Variants in NDST4 observed in about 807,000 individuals in gnomAD.
NDST4 encodes the protein N-heparan sulfate sulfotransferase 4.
A neutral mutation model predicts 100.8 loss-of-function variants in NDST4; 63 were observed. The observed-to-expected ratio is 0.62, with a 90% CI of 0.51 to 0.77. The LOEUF is 0.77. Ranked by LOEUF, NDST4 falls within the 30% of genes least tolerant of loss-of-function variation. The probability of loss-of-function intolerance (pLI) is 0.00; values close to 1 mark genes in which losing one functional copy is unlikely to be tolerated. For synonymous variants in NDST4, 377 were observed against 361.8 expected, an observed-to-expected ratio of 1.04 and a Z score of -0.48; for missense variants, 943 against 1,018.4, an observed-to-expected ratio of 0.93 and a Z score of 1.01.
At chr4:115,095,250 A>T (rs1729597255) in intron 1 of NDST4, among the ~76,000 whole-genome samples, 1 of 152,032 alleles carries the variant, frequency 6.6e-6, no homozygotes, top group Non-Finnish European at 1.5e-5. Context: ...TTCCTTATCC[A>T]CCTAGCTAAT....
chr4:114,986,832 A>ATATATATTTTTTT, intron 2 of NDST4, among the ~76,000 whole-genome samples: 16 of 94,654 alleles, frequency 1.7e-4, no homozygotes, highest in East Asian at 1.4e-3. Flanking sequence ...ATATATATAT[A>ATATATATTTTTTT]TTTTAATATA....
chr4:114,863,351 T>A (rs1168538684), intron 7 of NDST4, among the ~76,000 whole-genome samples: 1 of 152,228 alleles, frequency 6.6e-6, no homozygotes, highest in Non-Finnish European at 1.5e-5. Flanking sequence ...AGATTTAGAA[T>A]CCAAATCTGG....
intron 2 of NDST4, among the ~76,000 whole-genome samples, chr4:115,054,332 T>C (rs1728648497): frequency 6.6e-6 from 1 of 152,082 alleles, no homozygotes; most frequent in South Asian, 2.1e-4. Flanking sequence ...AGACAGAAAC[T>C]AGCTGAACTG....
At chr4:114,831,773 A>G (rs1470944747) in intron 12 of NDST4, among the ~76,000 whole-genome samples, 1 of 152,142 alleles carries the variant, frequency 6.6e-6, no homozygotes. Flanking sequence ...TCCTGGTTTC[A>G]TTTATTGCAT....
At chr4:114,844,617 T>C (rs1723504242) in intron 10 of NDST4, among the ~76,000 whole-genome samples, 1 of 152,244 alleles carries the variant, frequency 6.6e-6, no homozygotes, top group African/African-American at 2.4e-5. Flanking sequence ...ACATACTTCC[T>C]CACAGTACAT....
intron 2 of NDST4, among the ~76,000 whole-genome samples, chr4:115,039,627 A>G (rs1728307046): frequency 6.6e-6 from 1 of 152,156 alleles, no homozygotes; most frequent in East Asian, 1.9e-4. Context: ...AAAAATTTGC[A>G]TCGTCTAACA....
At chr4:114,875,415 A>C (rs1245965946) in intron 6 of NDST4, among the ~76,000 whole-genome samples, 1 of 152,186 alleles carries the variant, frequency 6.6e-6, no homozygotes, top group East Asian at 1.9e-4. Context: ...CAATACATAT[A>C]CTCAAAATAT....
intron 6 of NDST4, among the ~76,000 whole-genome samples, chr4:114,881,137 T>C (rs1724358443): frequency 6.6e-6 from 1 of 152,074 alleles, no homozygotes; most frequent in Admixed American, 6.6e-5. Flanking sequence ...GGAGGGATCA[T>C]AGTCAGATAT....
chr4:115,061,866 G>T (rs1016227915), intron 2 of NDST4, among the ~76,000 whole-genome samples: 12 of 151,956 alleles, frequency 7.9e-5, no homozygotes, highest in African/African-American at 2.4e-4. Flanking sequence ...ACACTTAGTT[G>T]AAATTGTAAT....
intron 2 of NDST4, among the ~76,000 whole-genome samples, chr4:114,983,053 T>C (rs578184435): frequency 2.0e-4 from 30 of 152,252 alleles, no homozygotes; most frequent in Non-Finnish European, 4.0e-4. Flanking sequence ...AACCTTCACC[T>C]GGATTTCAGA....
At chr4:114,983,746 G>T (rs1466173100) in intron 2 of NDST4, among the ~76,000 whole-genome samples, 1 of 152,086 alleles carries the variant, frequency 6.6e-6, no homozygotes, top group African/African-American at 2.4e-5. Flanking sequence ...GATTTGGGAG[G>T]GGCCAGGGGC....
At chr4:115,098,580 T>A (rs1423235989) in intron 1 of NDST4, among the ~76,000 whole-genome samples, 1 of 152,180 alleles carries the variant, frequency 6.6e-6, no homozygotes, top group Admixed American at 6.6e-5. Flanking sequence ...AACTTCAAGA[T>A]TCAAGGTTTA....
At chr4:115,067,486 T>G (rs1410467347) in intron 2 of NDST4, among the ~76,000 whole-genome samples, 1 of 152,120 alleles carries the variant, frequency 6.6e-6, no homozygotes, top group Non-Finnish European at 1.5e-5. Flanking sequence ...ATGTCTTATT[T>G]TCTAAAGACA....
intron 2 of NDST4, among the ~76,000 whole-genome samples, chr4:114,983,545 G>A (rs1301601557): frequency 1.3e-5 from 2 of 152,176 alleles, no homozygotes; most frequent in African/African-American, 2.4e-5. Flanking sequence ...TTTACCAAAT[G>A]CCTTTACCTG....
intron 11 of NDST4, among the ~76,000 whole-genome samples, chr4:114,837,916 G>A (rs1723336959): frequency 6.6e-6 from 1 of 151,974 alleles, no homozygotes; most frequent in Non-Finnish European, 1.5e-5. Context: ...GAAAATTTTT[G>A]CAATCCATCT....
At chr4:114,920,515 T>C (rs1725265945) in intron 6 of NDST4, among the ~76,000 whole-genome samples, 1 of 152,240 alleles carries the variant, frequency 6.6e-6, no homozygotes, top group Non-Finnish European at 1.5e-5. Flanking sequence ...CTTTATACTT[T>C]GAATGGCATT....
At chr4:114,898,071 A>G (rs575650996) in intron 6 of NDST4, among the ~76,000 whole-genome samples, 2 of 152,266 alleles carry the variant, frequency 1.3e-5, no homozygotes, top group Admixed American at 1.3e-4. Flanking sequence ...AGTCCAGCTC[A>G]TCAATTATTT....
chr4:114,841,721 T>C (rs890252487), intron 10 of NDST4, among the ~76,000 whole-genome samples: 1 of 152,222 alleles, frequency 6.6e-6, no homozygotes, highest in Non-Finnish European at 1.5e-5. Context: ...AATAAGTTTA[T>C]CTTGCTTTGC....
At chr4:114,981,210 AAAGGATGGAAGGAAGG>A (rs1726762463) in intron 2 of NDST4, among the ~76,000 whole-genome samples, 2 of 137,246 alleles carry the variant, frequency 1.5e-5, no homozygotes, top group African/African-American at 5.7e-5. Context: ...AGAGAAGAAG[AAAGGATGGAAGGAAGG>A]AAGGAAGGAA....
Sources: gnomAD v4.1 joint callset for allele counts (sites outside exome capture counted in the v4.1 genomes callset) on GRCh38, gnomAD v4.1.1 for gene constraint, MANE v1.5 for transcripts, NCBI Gene and HGNC (gene_info 2026-07-23, HGNC 2026-07-21) for gene names.